PSG3: variants seen among roughly 807,000 people sequenced by gnomAD.
The protein encoded by PSG3 is pregnancy specific beta-1-glycoprotein 3.
PSG3 carries 61 observed loss-of-function variants against 47.5 expected under a neutral mutation model. The ratio of observed to expected loss-of-function variants is 1.28; its 90% CI spans 1.05 to 1.59. The LOEUF (loss-of-function observed/expected upper bound fraction) is 1.59. PSG3 is among the 40% of genes most tolerant of loss of function. The pLI is 0.00. For missense variants in PSG3, 756 were observed against 524.0 expected (o/e 1.44, Z -4.32); for synonymous variants, 263 against 198.4 (o/e 1.33, Z -2.74).
At chr19:42,732,674 C>T (rs1969491669) in intron 3 of PSG3, 110 bp downstream of exon 3, 1 of 1,612,482 alleles carries the variant, frequency 6.2e-7, no homozygotes, top group African/African-American at 1.3e-5. Context: ...GTTTGATGTC[C>T]AGGGGTAAAG....
rs908449607 is a variant in PSG3 at position 42,721,860 on chromosome 19, G to T, written c.*271C>A. ...TAGAAAATTATGAAAACATTGTTTT[G>T]ACTATTTAGTCCAATAAAATTGGGT... is the stretch of plus-strand genomic sequence containing the variant. On this transcript the variant is annotated 3_prime_UTR_variant, in exon 7 of 7. Coordinates refer to ENST00000327495, the MANE Select transcript of PSG3 (RefSeq NM_021016.4). The T allele has an allele frequency of 3.9e-5, 16 of 414,026 alleles. No individual in the cohort carries two copies. The Admixed American group carries it at 6.2e-4, about 16-fold the overall frequency. 25.6% of individuals were successfully genotyped at this position (414,026 alleles called of 1,614,324 possible). A position where few individuals can be genotyped will look rare whatever the true frequency, so the allele number is the denominator to read the frequency against.
chr19:42,739,287 G>A lies in PSG3; in HGVS notation c.65-198C>T. On this transcript the variant is annotated intron_variant, in intron 1 of 6. Transcript: ENST00000327495. ...CTACTCTCCTACTAGGTGAAGGTCA[G>A]CAACATGACCCCCATTCCTTCAACA... 3 of 965,920 alleles carry A rather than the reference G, an allele frequency of 3.1e-6. No homozygotes were observed. The South Asian group carries it at 5.5e-5, about 18-fold the overall frequency. The allele number at this position is 965,920 out of a possible 1,614,324, so 59.8% of individuals were successfully genotyped here.
chr19:42,729,697 G>A (rs2122173456), intron 4 of PSG3, 81 bp downstream of exon 4: 28 of 1,572,124 alleles, frequency 1.8e-5, no homozygotes, highest in Non-Finnish European at 2.2e-5. Flanking sequence ...ACTTGGACCA[G>A]AGAGAGAGTG....
At chr19:42,726,024 C>G (rs939782029) in intron 5 of PSG3, among the ~76,000 whole-genome samples, 2 of 151,862 alleles carry the variant, frequency 1.3e-5, no homozygotes, top group African/African-American at 4.8e-5. Context: ...AGACAAACCC[C>G]TAGAAACACA....
chr19:42,723,535 G>C (rs368659536), intron 6 of PSG3, among the ~76,000 whole-genome samples: 5 of 152,164 alleles, frequency 3.3e-5, no homozygotes, highest in Non-Finnish European at 5.9e-5. Flanking sequence ...ATTTTAGAAA[G>C]GTAATGAGGC....
Position 42,729,357 on chromosome 19 carries a change from T to C in PSG3, c.1009A>G (p.Ile337Val). ...TGGTAATAGGTGAATGAAGGGTAAA[T>C]TCTGGGGAGGTCTGGACCATCTGGA... ...NVLYGPDLPR[I>V]YPSFTYYHSG... Residue 337 changes from isoleucine to valine, a missense_variant, in exon 5 of 7, where the codon ATT becomes GTT. Transcript: ENST00000327495. The C allele has an allele frequency of 1.2e-6, 2 of 1,613,862 alleles. No homozygotes were observed. Among genetic ancestry groups the C allele is most frequent in the Non-Finnish European group, 8.5e-7 (1 of 1,179,850 alleles).
At chr19:42,738,066 TG>T (rs1406044910) in intron 2 of PSG3, among the ~76,000 whole-genome samples, 1 of 152,232 alleles carries the variant, frequency 6.6e-6, no homozygotes, top group Non-Finnish European at 1.5e-5. Flanking sequence ...TTCTATGGAC[TG>T]GCCTAAGCCT....
intron 6 of PSG3, among the ~76,000 whole-genome samples, chr19:42,722,871 T>C (rs1969320638): frequency 6.6e-6 from 1 of 152,240 alleles, no homozygotes; most frequent in African/African-American, 2.4e-5. Context: ...ATGTTAGTAG[T>C]GTCAGGGAAG....
In PSG3 at chr19:42,723,999, C is replaced by G; in HGVS notation, c.1270G>C (p.Gly424Arg). The stretch of plus-strand genomic sequence containing the variant: ...CACGGCTGCTATAATGGATTAAGGC[C>G]AGGAAGATGTCCTGTTCCTGAAGGA... ...SAPSGTGHLP[G>R]LNPL Residue 424 changes from glycine (G) to arginine (R), a missense_variant, in exon 6 of 7, where the codon GGC (glycine) becomes CGC (arginine). Coordinates refer to ENST00000327495, the MANE Select transcript of PSG3 (RefSeq NM_021016.4). 4 of 1,611,762 alleles carry G rather than the reference C, an allele frequency of 2.5e-6. No homozygotes were observed. The highest frequency in any genetic ancestry group is 3.4e-6 in the Non-Finnish European group (4 of 1,177,970).
intron 5 of PSG3, among the ~76,000 whole-genome samples, chr19:42,726,330 T>C (rs1454961882): frequency 6.6e-6 from 1 of 152,074 alleles, no homozygotes; most frequent in Non-Finnish European, 1.5e-5. Context: ...GACGTTAAAA[T>C]TGGAAGGAAG....
chr19:42,734,410 G>C (rs1201809857), intron 2 of PSG3, among the ~76,000 whole-genome samples: 2 of 152,168 alleles, frequency 1.3e-5, no homozygotes, highest in Non-Finnish European at 2.9e-5. Flanking sequence ...ATTTCAGATT[G>C]TGGATTTCTG....
chr19:42,726,810 TG>T (rs1310570759), intron 5 of PSG3, among the ~76,000 whole-genome samples: 1 of 152,220 alleles, frequency 6.6e-6, no homozygotes, highest in African/African-American at 2.4e-5. Context: ...TTGCATCTCA[TG>T]ACTCTAAATA....
Position 42,738,750 on chromosome 19 carries a change from G to A in PSG3, c.404C>T (p.Thr135Ile), listed in dbSNP as rs1969609466. 6.2e-7 allele frequency: 1 copy of A among 1,613,852 alleles called. No individual in the cohort carries two copies. The highest frequency in any genetic ancestry group is 1.3e-5 in the African/African-American group (1 of 74,910). ...VKRGDGTRGE[T>I]GHFTFTLYLE... ...GTATAAGGTGAAGGTGAAATGTCCA[G>A]TTTCTCCTCTAGTCCCATCACCTCG... Residue 135 changes from threonine (T) to isoleucine (I), a missense_variant, in exon 2 of 7, where the codon ACT (threonine) becomes ATT (isoleucine). Transcript: ENST00000327495.
At chr19:42,728,347 G>A (rs1459644418) in intron 5 of PSG3, among the ~76,000 whole-genome samples, 2 of 152,116 alleles carry the variant, frequency 1.3e-5, no homozygotes, top group South Asian at 2.1e-4. Context: ...AGCCCTAGGG[G>A]TGAATCTCCC....
intron 6 of PSG3, 73 bp downstream of exon 6, chr19:42,723,869 A>T: frequency 5.7e-6 from 7 of 1,224,124 alleles, no homozygotes; most frequent in Non-Finnish European, 8.4e-6. Context: ...ATACAGGCAA[A>T]TAAGTCTTTT....
intron 5 of PSG3, among the ~76,000 whole-genome samples, chr19:42,724,986 G>C (rs1361867518): frequency 4.6e-5 from 7 of 152,230 alleles, no homozygotes; most frequent in East Asian, 3.9e-4. Flanking sequence ...ATAACCCTGT[G>C]AGGTAGACAT....
chr19:42,727,855 A>G (rs1969401353), intron 5 of PSG3, among the ~76,000 whole-genome samples: 1 of 152,250 alleles, frequency 6.6e-6, no homozygotes, highest in South Asian at 2.1e-4. Flanking sequence ...ACTAGCCAAA[A>G]AATGGAAACA....
intron 2 of PSG3, among the ~76,000 whole-genome samples, chr19:42,737,677 G>A (rs1969589079): frequency 6.6e-6 from 1 of 152,168 alleles, no homozygotes; most frequent in Non-Finnish European, 1.5e-5. Context: ...ACTATAGGGT[G>A]ATTGGAACCC....
chr19:42,726,908 A>G (rs1468542671), intron 5 of PSG3, among the ~76,000 whole-genome samples: 2 of 152,214 alleles, frequency 1.3e-5, no homozygotes, highest in Non-Finnish European at 2.9e-5. Context: ...AGTAATCAAT[A>G]CACTGTGGTA....
Sources: allele counts gnomAD v4.1 joint callset (sites outside exome capture counted in the v4.1 genomes callset), GRCh38; gene constraint gnomAD v4.1.1; transcripts MANE v1.5; gene names NCBI Gene and HGNC (gene_info 2026-07-23, HGNC 2026-07-21).